Variants in RIPOR3 observed in about 807,000 individuals in gnomAD.
RIPOR3 encodes RIPOR family member 3.
A neutral mutation model predicts 114.3 loss-of-function variants in RIPOR3; 95 were observed. The ratio of observed to expected loss-of-function variants is 0.83; its 90% CI spans 0.70 to 0.99. The LOEUF (loss-of-function observed/expected upper bound fraction) is 0.99. Among genes scored for constraint, RIPOR3 ranks in the 50% least tolerant of loss-of-function variants. The probability of loss-of-function intolerance (pLI) is 0.00; values close to 1 mark genes in which losing one functional copy is unlikely to be tolerated. For synonymous variants in RIPOR3, 575 were observed against 543.8 expected (o/e 1.06, Z -0.80); for missense variants, 1,252 against 1,266.9 (o/e 0.99, Z 0.18).
intron 13 of RIPOR3, among the ~76,000 whole-genome samples, chr20:50,601,089 A>G (rs1917241316): frequency 6.6e-6 from 1 of 152,218 alleles, no homozygotes; most frequent in Non-Finnish European, 1.5e-5. Context: ...GAGGGAACAC[A>G]GAGCAGGAAG....
intron 1 of RIPOR3, among the ~76,000 whole-genome samples, chr20:50,683,907 C>A (rs1466782669): frequency 6.6e-6 from 1 of 151,940 alleles, no homozygotes; most frequent in African/African-American, 2.4e-5. Context: ...ATAGCAAAAC[C>A]CTGTCTCTAC....
chr20:50,596,380 G>A (rs1203054780), intron 14 of RIPOR3, 117 bp from the exon 15 acceptor site: 3 of 1,434,948 alleles, frequency 2.1e-6, no homozygotes, highest in Admixed American at 1.9e-5. Flanking sequence ...CCAGGTCCCA[G>A]GAAGTTCAAC....
chr20:50,683,412 G>T (rs2904276), intron 1 of RIPOR3, among the ~76,000 whole-genome samples: 122,689 of 151,704 alleles, frequency 0.81, 50,620 homozygotes, highest in East Asian at 0.96. Flanking sequence ...CTTTCAGTAT[G>T]TCATTATGGA....
intron 1 of RIPOR3, among the ~76,000 whole-genome samples, chr20:50,646,975 C>T (rs1168339954): frequency 1.3e-5 from 2 of 152,102 alleles, no homozygotes; most frequent in South Asian, 4.1e-4. Context: ...ATGTGGCTAG[C>T]ATAGGTAGTT....
chr20:50,682,157 A>G (rs2086880785), intron 1 of RIPOR3, among the ~76,000 whole-genome samples: 1 of 152,250 alleles, frequency 6.6e-6, no homozygotes, highest in Non-Finnish European at 1.5e-5. Flanking sequence ...CCGTGTATGT[A>G]GCAAACAAAA....
chr20:50,602,187 A>G lies in RIPOR3; in HGVS notation c.1544T>C (p.Val515Ala), dbSNP rs1374077947. The change falls in exon 13 of 22, where the codon GTG (valine) becomes GCG (alanine). Residue 515 changes from valine to alanine, a missense_variant. By Grantham distance (64) the Val-to-Ala change is moderately conservative. Coordinates refer to ENST00000327979, the MANE Select transcript of RIPOR3 (RefSeq NM_001290268.2). This position sits in a 1 kb window ranked among gnomAD's most constrained non-coding sequence, Gnocchi z 4.3. ...ATGDREDGPG[V>A]ALEGPLQEVL... ...CTCCTGCAGAGGCCCCTCGAGGGCC[A>G]CGCCAGGCCCGTCCTCTCTGTCCCC... 1.2e-6 allele frequency: 2 copies of G among 1,613,296 alleles called. No individual in the cohort carries two copies. The highest frequency in any genetic ancestry group is 1.7e-6 in the Non-Finnish European group (2 of 1,179,854).
Position 50,599,878 on chromosome 20 carries a change from GTGTA to G in RIPOR3, c.1660-2172_1660-2169del, listed in dbSNP as rs547841338. Among the ~76,000 whole-genome samples, 9 of 151,804 alleles carry G rather than the reference GTGTA, an allele frequency of 5.9e-5. No individual in the cohort carries two copies. The East Asian group carries it at 1.7e-3, about 29-fold the overall frequency. On this transcript the variant is annotated intron_variant, in intron 13 of 21. Transcript: ENST00000327979. ...GAGGATAAATCATGTATATGTATGT[GTGTA>G]TGTATGCGCTCACACACACACTTTT...
chr20:50,607,653 C>G (rs1353452719), intron 11 of RIPOR3, among the ~76,000 whole-genome samples: 1 of 152,098 alleles, frequency 6.6e-6, no homozygotes, highest in Non-Finnish European at 1.5e-5. Context: ...TCAGCCCTAC[C>G]AGACAGGTGA....
rs979109550 is a variant in RIPOR3 at position 50,587,870 on chromosome 20, G to A, written c.2684C>T (p.Thr895Ile). Reference sequence around the variant, plus strand: ...CAGGTCAGACTGGCACAGGCTGGCAGTCTGGTCGATGCTTTCAATGCCCTG... The same window carrying A: ...CAGGTCAGACTGGCACAGGCTGGCAATCTGGTCGATGCTTTCAATGCCCTG... ...HLKGIESIDQ[T>I]ASLCQSDLEA... Residue 895 changes from threonine (T) to isoleucine (I), a missense_variant, in exon 21 of 22, where the codon ACT (threonine) becomes ATT (isoleucine). Thr to Ile is a moderately conservative substitution (Grantham distance 89). Transcript: ENST00000327979. 1 of 1,614,172 alleles carries A rather than the reference G, an allele frequency of 6.2e-7. No homozygotes were observed. The highest frequency in any genetic ancestry group is 2.2e-5 in the East Asian group (1 of 44,884).
At chr20:50,680,980 T>A (rs1213954339) in intron 1 of RIPOR3, among the ~76,000 whole-genome samples, 1 of 151,934 alleles carries the variant, frequency 6.6e-6, no homozygotes, top group African/African-American at 2.4e-5. Context: ...TCCCAGGACT[T>A]TGGGGGGCTA....
intron 1 of RIPOR3, among the ~76,000 whole-genome samples, chr20:50,672,050 A>T (rs1011796243): frequency 1.3e-5 from 2 of 151,836 alleles, no homozygotes; most frequent in African/African-American, 4.8e-5. Context: ...GATTGGATGG[A>T]TGGAAGGATG....
At chr20:50,677,394 C>T (rs1471438184) in intron 1 of RIPOR3, among the ~76,000 whole-genome samples, 3 of 130,094 alleles carry the variant, frequency 2.3e-5, no homozygotes, top group African/African-American at 8.7e-5. Context: ...TTTTTTAGAC[C>T]GAGTTCTGCT....
At chr20:50,609,818 A>T (rs1179486896) in intron 6 of RIPOR3, 96 bp from the exon 7 acceptor site, 27 of 1,317,676 alleles carry the variant, frequency 2.0e-5, no homozygotes, top group Non-Finnish European at 2.6e-5. Context: ...GCCCTCCCTG[A>T]GCTAAGCACC....
chr20:50,688,986 C>T (rs1483253077), intron 1 of RIPOR3, among the ~76,000 whole-genome samples: 2 of 152,088 alleles, frequency 1.3e-5, no homozygotes, highest in African/African-American at 2.4e-5. Flanking sequence ...TCATGATACG[C>T]TTTCAACAAC....
chr20:50,604,755 A>G lies in RIPOR3; in HGVS notation c.976T>C (p.Phe326Leu). The change falls in exon 12 of 22, where the codon TTC (phenylalanine) becomes CTC (leucine). Residue 326 changes from phenylalanine (F) to leucine (L), a missense_variant. Physicochemically the swap from Phe to Leu is conservative, Grantham distance 22. Transcript: ENST00000327979. The part of the protein sequence containing the change: ...VQWNPFDTES[F>L]LVSPSPTGKF... Reference sequence around the variant, plus strand: ...CCCGTGGGGCTGGGTGACACCAGGAAGCTCTCAGTATCAAACGGGCTGGAG... The same window carrying G: ...CCCGTGGGGCTGGGTGACACCAGGAGGCTCTCAGTATCAAACGGGCTGGAG... The G allele has an allele frequency of 6.2e-7, 1 of 1,608,142 alleles. No homozygotes were observed. The highest frequency in any genetic ancestry group is 8.5e-7 in the Non-Finnish European group (1 of 1,177,906).
At chr20:50,597,736 G>C in intron 13 of RIPOR3, 26 bp from the exon 14 acceptor site, 2 of 1,607,042 alleles carry the variant, frequency 1.2e-6, no homozygotes, top group Non-Finnish European at 1.7e-6. Context: ...CCAGACCTGA[G>C]GGCAACACCG....
At chr20:50,686,483 T>C (rs932028177) in intron 1 of RIPOR3, among the ~76,000 whole-genome samples, 1 of 152,016 alleles carries the variant, frequency 6.6e-6, no homozygotes, top group Non-Finnish European at 1.5e-5. Flanking sequence ...GCATGGTGGT[T>C]CATGCCTGTA....
At position 50,596,164 on chromosome 20, in the gene RIPOR3, G is replaced by A. The variant is rs2083280918; in HGVS notation, c.1890C>T (p.Leu630=). ...CCTGCAGCAGAGCTTTGCAGACTTGGAGGTGTACCATCAGCAGCACGTCCA... is the reference window on the plus strand; with the variant it reads ...CCTGCAGCAGAGCTTTGCAGACTTGAAGGTGTACCATCAGCAGCACGTCCA... ...PELDVLLMVH[L]QVCKALLQKL... Residue 630 remains leucine, a synonymous_variant, in exon 15 of 22, where the codon CTC becomes CTT. Coordinates refer to ENST00000327979, the MANE Select transcript of RIPOR3 (RefSeq NM_001290268.2). 1.2e-6 allele frequency: 2 copies of A among 1,614,204 alleles called. No individual in the cohort carries two copies. Among genetic ancestry groups the A allele is most frequent in the East Asian group, 2.2e-5 (1 of 44,894 alleles).
Position 50,630,726 on chromosome 20 carries a change from G to A in RIPOR3, c.122+12C>T. On this transcript the variant is annotated intron_variant, in intron 2 of 21. Coordinates refer to ENST00000327979, the MANE Select transcript of RIPOR3 (RefSeq NM_001290268.2). Reference sequence around the variant, plus strand: ...CCCCTGCACCCCGAAACAGGACACGGGGGGAACTTACGCGATCCTCCGGCT... The same window carrying A: ...CCCCTGCACCCCGAAACAGGACACGAGGGGAACTTACGCGATCCTCCGGCT... The A allele has an allele frequency of 6.3e-7, 1 of 1,595,910 alleles. No individual in the cohort carries two copies. Among genetic ancestry groups the A allele is most frequent in the East Asian group, 2.3e-5 (1 of 43,790 alleles).
Sources: gnomAD v4.1 joint callset for allele counts (sites outside exome capture counted in the v4.1 genomes callset) on GRCh38, gnomAD v4.1.1 for gene constraint, Gnocchi (gnomAD v3.1) non-coding constraint, MANE v1.5 for transcripts, NCBI Gene and HGNC (gene_info 2026-07-23, HGNC 2026-07-21) for gene names.